Variants in DMXL2 observed in about 807,000 individuals in gnomAD.
The protein encoded by DMXL2 is Dmx like 2, also known as dmX-like protein 2.
A neutral mutation model predicts 331.1 loss-of-function variants in DMXL2; 103 were observed. That is an observed-to-expected ratio of 0.31 (90% confidence interval 0.27 to 0.37). DMXL2 has a LOEUF of 0.37. Among genes scored for constraint, DMXL2 ranks in the 10% least tolerant of loss-of-function variants. DMXL2 has a pLI of 1.00. For missense variants in DMXL2, 3,171 were observed against 3,642.9 expected (o/e 0.87, Z 3.33); for synonymous variants, 1,281 against 1,252.1 (o/e 1.02, Z -0.49).
At chr15:51,455,714 A>G (rs1284742708) in intron 39 of DMXL2, among the ~76,000 whole-genome samples, 4 of 152,110 alleles carry the variant, frequency 2.6e-5, no homozygotes, top group African/African-American at 9.7e-5. Flanking sequence ...TTAACTGCTT[A>G]CCTGTTTCAC....
Position 51,536,864 on chromosome 15 carries a change from T to C in DMXL2, c.1618-2A>G. ...AGGAATCCGAGAAGAAAAAGAAACC[T>C]GAAAAACATAATTATATGATTCAGT... On this transcript the variant is annotated splice_acceptor_variant, in intron 11 of 43. Transcript: ENST00000560891. LOFTEE classifies it high-confidence loss of function. The C allele has an allele frequency of 6.3e-7, 1 of 1,590,236 alleles. No homozygotes were observed. Among genetic ancestry groups the C allele is most frequent in the South Asian group, 1.1e-5 (1 of 87,038 alleles).
intron 2 of DMXL2, among the ~76,000 whole-genome samples, chr15:51,574,821 T>A (rs930189081): frequency 3.3e-5 from 5 of 152,246 alleles, no homozygotes; most frequent in African/African-American, 7.2e-5. Flanking sequence ...TATACTTTTT[T>A]AAAAAGTTTT....
Position 51,576,141 on chromosome 15 carries a change from T to C in DMXL2, c.128A>G (p.Asp43Gly). The change falls in exon 2 of 44, where the codon GAC becomes GGC. Residue 43 changes from aspartate to glycine, a missense_variant. Physicochemically the swap from Asp to Gly is moderately conservative, Grantham distance 94. This residue lies in a region of DMXL2 where 1,674 missense variants were observed against 1,780.2 expected (regional missense o/e 0.94). Transcript: ENST00000560891. ...SGCDIVILAN[D>G]FECVQIIPGA... ...AGGAATGATCTGTACACATTCAAAG[T>C]CATTTGCCAAAATAACAATATCACA... The C allele has an allele frequency of 1.6e-6, 2 of 1,223,180 alleles. No individual in the cohort carries two copies. Among genetic ancestry groups the C allele is most frequent in the African/African-American group, 3.4e-5 (2 of 58,404 alleles). The allele number at this position is 1,223,180 out of a possible 1,614,324, so 75.8% of individuals were successfully genotyped here.
chr15:51,498,172 T>G (rs1323403066), intron 18 of DMXL2, among the ~76,000 whole-genome samples: 2 of 152,036 alleles, frequency 1.3e-5, no homozygotes, highest in African/African-American at 4.8e-5. Context: ...CCTGAGAGGT[T>G]AAGGCTACAG....
At chr15:51,546,667 CAAT>C (rs769398305) in intron 7 of DMXL2, among the ~76,000 whole-genome samples, 2 of 151,792 alleles carry the variant, frequency 1.3e-5, no homozygotes, top group Non-Finnish European at 2.9e-5. Flanking sequence ...AGAGGTGCCA[CAAT>C]GATGAGGAAA....
rs1328805840 is a variant in DMXL2, at chr15:51,578,660, A to G, written c.88-2479T>C. Among the ~76,000 whole-genome samples, 5 of 152,236 alleles carry G rather than the reference A, an allele frequency of 3.3e-5. No individual in the cohort carries two copies. The East Asian group carries it at 5.8e-4, about 18-fold the overall frequency. On this transcript the variant is annotated intron_variant, in intron 1 of 43. Transcript: ENST00000560891. The stretch of plus-strand genomic sequence containing the variant: ...GATCAAATATTCCCTATTTTACCCT[A>G]TAAGTATATATACAAAAGTTTGCCA...
At chr15:51,512,816 G>GAAAA (rs201329133) in intron 15 of DMXL2, among the ~76,000 whole-genome samples, 3 of 129,534 alleles carry the variant, frequency 2.3e-5, no homozygotes, top group African/African-American at 8.2e-5. Flanking sequence ...CTCTGTCTCG[G>GAAAA]AAAAAAAAAA....
At position 51,500,202 on chromosome 15, in the gene DMXL2, C is replaced by A. The variant is rs1472071326; in HGVS notation, c.3022G>T (p.Val1008Leu). 1 of 1,606,612 alleles carries A rather than the reference C, an allele frequency of 6.2e-7. No homozygotes were observed. Among genetic ancestry groups the A allele is most frequent in the Non-Finnish European group, 8.5e-7 (1 of 1,177,284 alleles). The stretch of plus-strand genomic sequence containing the variant: ...ACCACTAAATAAGGTGCAAGGCACA[C>A]TGGATAAATTGAAGAAGAACTCAGA... ...GHLSSSSIYP[V>L]CLAPYLVVTT... The change falls in exon 18 of 44, where the codon GTG becomes TTG. Residue 1008 changes from valine (V) to leucine (L), a missense_variant. By Grantham distance (32) the Val-to-Leu change is conservative (BLOSUM62 1). Transcript: ENST00000560891.
Position 51,481,075 on chromosome 15 carries a change from C to G in DMXL2, c.6031G>C (p.Asp2011His). 1 of 1,613,900 alleles carries G rather than the reference C, an allele frequency of 6.2e-7. No individual in the cohort carries two copies. Among genetic ancestry groups the G allele is most frequent in the Non-Finnish European group, 8.5e-7 (1 of 1,179,856 alleles). ...TDAREKDKQSDQKASDPNMLL... is the reference protein window; with the variant it reads ...TDAREKDKQSHQKASDPNMLL... Reference sequence around the variant, plus strand: ...ATGTTAGGGTCTGAGGCCTTCTGATCTGATTGTTTATCTTTTTCCCTGGCA... The same window carrying G: ...ATGTTAGGGTCTGAGGCCTTCTGATGTGATTGTTTATCTTTTTCCCTGGCA... The change falls in exon 24 of 44, where the codon GAT (aspartate) becomes CAT (histidine). Residue 2011 changes from aspartate to histidine, a missense_variant. Transcript: ENST00000560891.
chr15:51,514,933 G>C (rs1034508430), intron 14 of DMXL2, among the ~76,000 whole-genome samples: 8 of 151,960 alleles, frequency 5.3e-5, no homozygotes, highest in Non-Finnish European at 1.5e-5. Context: ...AACTGACTAG[G>C]GAGGGCTGCA....
chr15:51,478,962 A>C (rs1051882844), intron 25 of DMXL2, among the ~76,000 whole-genome samples: 4 of 152,120 alleles, frequency 2.6e-5, no homozygotes, highest in African/African-American at 7.2e-5. Context: ...TACTGAATCA[A>C]TATTTTCAGA....
At chr15:51,617,440 T>C (rs1276355054) in intron 1 of DMXL2, among the ~76,000 whole-genome samples, 1 of 152,168 alleles carries the variant, frequency 6.6e-6, no homozygotes, top group Non-Finnish European at 1.5e-5. Context: ...CTAGACCCAC[T>C]ACTTCATAAA....
intron 26 of DMXL2, among the ~76,000 whole-genome samples, 193 bp from the exon 27 acceptor site, chr15:51,476,912 T>G (rs2041628847): frequency 6.6e-6 from 1 of 152,118 alleles, no homozygotes; most frequent in Non-Finnish European, 1.5e-5. Context: ...TTAAACAAAG[T>G]AACAAATTTT....
chr15:51,478,776 A>G (rs1224382380), intron 25 of DMXL2, among the ~76,000 whole-genome samples: 2 of 152,182 alleles, frequency 1.3e-5, no homozygotes, highest in Non-Finnish European at 2.9e-5. Flanking sequence ...AATCTTATCA[A>G]TGAAAATGAA....
chr15:51,476,694 T>A lies in DMXL2; in HGVS notation c.6859A>T (p.Thr2287Ser), dbSNP rs1434335977. ...AGAAGTCCTTGATAAGCCATTCCTG[T>A]AAACTGATTTCCTTCTGTTTGACTG... ...YSSQTEGNQF[T>S]GMAYQGLLLS... Residue 2287 changes from threonine to serine, a missense_variant, in exon 27 of 44, where the codon ACA becomes TCA. This residue lies in a region of DMXL2 where 766 missense variants were observed against 940.5 expected (regional missense o/e 0.81). Transcript: ENST00000560891. 1 of 1,605,116 alleles carries A rather than the reference T, an allele frequency of 6.2e-7. No individual in the cohort carries two copies. The highest frequency in any genetic ancestry group is 1.3e-5 in the African/African-American group (1 of 74,376).
At position 51,458,644 on chromosome 15, in the gene DMXL2, G is replaced by A. The variant is rs186090917; in HGVS notation, c.8077-17C>T. 1.2e-6 allele frequency: 2 copies of A among 1,613,942 alleles called. No individual in the cohort carries two copies. The highest frequency in any genetic ancestry group is 2.2e-5 in the East Asian group (1 of 44,852). On this transcript the variant is annotated splice_polypyrimidine_tract_variant and intron_variant, in intron 35 of 43. Coordinates refer to ENST00000560891, the MANE Select transcript of DMXL2 (RefSeq NM_001378457.1). ...ACAATTTGCCTATAAAGCAAAGGCA[G>A]AATCGATGATTTAAGCAATTTCACT...
At chr15:51,458,920 A>T in intron 34 of DMXL2, 125 bp from the exon 35 acceptor site, 2 of 807,504 alleles carry the variant, frequency 2.5e-6, no homozygotes, top group Non-Finnish European at 2.0e-6. Flanking sequence ...AGCAGCAGCA[A>T]GAAAAAAGGG....
At chr15:51,479,151 G>A (rs1004650946) in intron 25 of DMXL2, among the ~76,000 whole-genome samples, 3 of 152,118 alleles carry the variant, frequency 2.0e-5, no homozygotes, top group African/African-American at 7.2e-5. Context: ...AATAATCTCT[G>A]CTAAAATACT....
chr15:51,588,497 T>G (rs781384271), intron 1 of DMXL2, among the ~76,000 whole-genome samples: 6 of 152,188 alleles, frequency 3.9e-5, no homozygotes, highest in Non-Finnish European at 8.8e-5. Flanking sequence ...TTTCTCAATT[T>G]GTTCTTAATA....
Sources: allele counts gnomAD v4.1 joint callset (sites outside exome capture counted in the v4.1 genomes callset), GRCh38; gene constraint gnomAD v4.1.1; regional missense constraint gnomAD v4.1.1; transcripts MANE v1.5; gene names NCBI Gene and HGNC (gene_info 2026-07-23, HGNC 2026-07-21).